The following SFSWAP variants were observed in gnomAD, a reference collection of about 807,000 sequenced individuals.
SFSWAP encodes splicing factor SWAP, also known as splicing factor, suppressor of white-apricot homolog.
Under a neutral mutation model 100.7 loss-of-function variants are expected in SFSWAP, and 17 were observed. The observed-to-expected ratio is 0.17, with a 90% CI of 0.12 to 0.25. The LOEUF (loss-of-function observed/expected upper bound fraction) is 0.25, where lower values mean the gene tolerates loss of function less well. Ranked by LOEUF, SFSWAP falls within the 10% of genes least tolerant of loss-of-function variation. The pLI is 1.00. For missense variants in SFSWAP, 1,005 were observed against 1,262.6 expected (o/e 0.80, Z 3.09); for synonymous variants, 504 against 510.1 (o/e 0.99, Z 0.16).
chr12:131,770,906 C>G (rs190707882), intron 13 of SFSWAP, among the ~76,000 whole-genome samples: 9 of 152,208 alleles, frequency 5.9e-5, no homozygotes, highest in African/African-American at 2.2e-4. Flanking sequence ...AACGGGACTC[C>G]TGGGGACCGC....
intron 11 of SFSWAP, among the ~76,000 whole-genome samples, chr12:131,761,373 A>G (rs910400121): frequency 2.6e-5 from 4 of 152,228 alleles, no homozygotes; most frequent in African/African-American, 9.6e-5. Flanking sequence ...CTGTCCCCGC[A>G]TGGTCCCGTC....
At position 131,755,464 on chromosome 12, in the gene SFSWAP, G is replaced by T. The variant is rs142222333; in HGVS notation, c.1533G>T (p.Gly511=). ...AGCAGTTCTTCCTCCAGAAAGAAGG[G>T]GGCGATAGCATGCAGGTACGTGTCT... is the stretch of plus-strand genomic sequence containing the variant. ...FKKQFFLQKE[G]GDSMQAVSAP... is the part of the protein sequence containing the mutation. Residue 511 remains glycine (G), a synonymous_variant, in exon 10 of 18, where the codon GGG becomes GGT. Coordinates refer to ENST00000261674, the MANE Select transcript of SFSWAP (RefSeq NM_004592.4). 111 of 1,613,132 alleles carry T rather than the reference G, an allele frequency of 6.9e-5. No homozygotes were observed. The African/African-American group carries it at 1.3e-3, about 19-fold the overall frequency.
intron 15 of SFSWAP, among the ~76,000 whole-genome samples, chr12:131,791,267 T>C (rs1463673219): frequency 6.6e-6 from 1 of 152,180 alleles, no homozygotes; most frequent in African/African-American, 2.4e-5. Context: ...CAAGTGCCTG[T>C]AATCCCAGCT....
chr12:131,715,021 G>C, intron 3 of SFSWAP, 68 bp downstream of exon 3: 1 of 1,556,992 alleles, frequency 6.4e-7, no homozygotes, highest in Non-Finnish European at 8.8e-7. Flanking sequence ...CATGCACCGT[G>C]GTCCAGTCTG....
chr12:131,774,534 A>G (rs753329449), intron 13 of SFSWAP, among the ~76,000 whole-genome samples: 4 of 152,194 alleles, frequency 2.6e-5, no homozygotes, highest in Non-Finnish European at 5.9e-5. Flanking sequence ...AAACCAATGT[A>G]CGTCTGCCCC....
At chr12:131,745,755 T>G (rs1040788597) in intron 7 of SFSWAP, among the ~76,000 whole-genome samples, 5 of 133,312 alleles carry the variant, frequency 3.8e-5, no homozygotes, top group Non-Finnish European at 8.3e-5. Context: ...TTAGTAAGGC[T>G]TTTTTTTTTT....
intron 11 of SFSWAP, among the ~76,000 whole-genome samples, chr12:131,763,648 C>T: frequency 6.6e-6 from 1 of 152,068 alleles, no homozygotes; most frequent in Non-Finnish European, 1.5e-5. Context: ...TAATGCCTGT[C>T]ACAAAGTAGG....
In SFSWAP at chr12:131,725,268, T is replaced by C; in HGVS notation, c.607-137T>C. 1 of 750,776 alleles carries C rather than the reference T, an allele frequency of 1.3e-6. No homozygotes were observed. Among genetic ancestry groups the C allele is most frequent in the Non-Finnish European group, 2.2e-6 (1 of 446,182 alleles). The allele number at this position is 750,776 out of a possible 1,614,324, so 46.5% of individuals were successfully genotyped here. ...TTGGAGATGAGGAGTCCGAACAGCC[T>C]GGGCTCTTCCAGCTTAAAGTCTCGT... On this transcript the variant is annotated intron_variant, in intron 4 of 17. Transcript: ENST00000261674. This position sits in a 1 kb window ranked among gnomAD's most constrained non-coding sequence, Gnocchi z 4.3.
At position 131,753,206 on chromosome 12, in the gene SFSWAP, G is replaced by A. The variant is rs780510999; in HGVS notation, c.1165G>A (p.Val389Met). The change falls in exon 8 of 18, where the codon GTG becomes ATG. Residue 389 changes from valine (V) to methionine (M), a missense_variant. By Grantham distance (21) the Val-to-Met change is conservative (BLOSUM62 1). Coordinates refer to ENST00000261674, the MANE Select transcript of SFSWAP (RefSeq NM_004592.4). ...CLAPPPPGIDVTTYYSTLPAG... is the reference protein window; with the variant it reads ...CLAPPPPGIDMTTYYSTLPAG... ...GGCGCCGCCCCCTCCCGGAATCGAC[G>A]TGACTACTTACTACAGCACCCTTCC... 7.4e-6 allele frequency: 12 copies of A among 1,614,160 alleles called. No individual in the cohort carries two copies. The highest frequency in any genetic ancestry group is 1.3e-5 in the African/African-American group (1 of 75,024).
At chr12:131,758,358 A>G (rs1379180010) in intron 11 of SFSWAP, among the ~76,000 whole-genome samples, 1 of 149,918 alleles carries the variant, frequency 6.7e-6, no homozygotes, top group Non-Finnish European at 1.5e-5. Context: ...CATCCACCCA[A>G]GCCTGAGACA....
intron 7 of SFSWAP, among the ~76,000 whole-genome samples, chr12:131,736,819 G>A (rs887255212): frequency 9.2e-5 from 14 of 152,072 alleles, no homozygotes; most frequent in African/African-American, 3.4e-4. Context: ...AAGAAATGCA[G>A]ACAAAACCTA....
intron 6 of SFSWAP, among the ~76,000 whole-genome samples, chr12:131,727,886 A>G (rs1023601271): frequency 1.3e-5 from 2 of 152,238 alleles, no homozygotes; most frequent in African/African-American, 4.8e-5. Context: ...TCTGGTTTTC[A>G]GCAGTTGTGC....
At chr12:131,737,574 C>G (rs1383895321) in intron 7 of SFSWAP, among the ~76,000 whole-genome samples, 1 of 152,044 alleles carries the variant, frequency 6.6e-6, no homozygotes, top group Admixed American at 6.6e-5. Context: ...GCGGAAGTGG[C>G]CCCCGTAACA....
At chr12:131,783,141 A>G (rs1429657723) in intron 14 of SFSWAP, among the ~76,000 whole-genome samples, 1 of 150,716 alleles carries the variant, frequency 6.6e-6, no homozygotes, top group Non-Finnish European at 1.5e-5. Context: ...AGATCGTGTC[A>G]CTGCTCTCCA....
chr12:131,743,658 T>G (rs767123076), intron 7 of SFSWAP, among the ~76,000 whole-genome samples: 3 of 152,216 alleles, frequency 2.0e-5, no homozygotes, highest in Admixed American at 6.5e-5. Flanking sequence ...TGTTGGTGGA[T>G]CTACCATTCT....
Position 131,770,391 on chromosome 12 carries a change from T to C in SFSWAP, c.2142+4083T>C, listed in dbSNP as rs116272798. Among the ~76,000 whole-genome samples the C allele has an allele frequency of 2.1e-3, 322 of 152,340 alleles. 3 individuals carry two copies. The highest frequency in any genetic ancestry group is 7.2e-3 in the African/African-American group (300 of 41,584). On this transcript the variant is annotated intron_variant, in intron 13 of 17. Coordinates refer to ENST00000261674, the MANE Select transcript of SFSWAP (RefSeq NM_004592.4). ...GGCCGTGGCTAGCTCGGGCTGGCTCTGCAGGGTGGCATGAGGACACTCCCT... is the reference window on the plus strand; with the variant it reads ...GGCCGTGGCTAGCTCGGGCTGGCTCCGCAGGGTGGCATGAGGACACTCCCT...
chr12:131,763,312 A>T (rs1183858968), intron 11 of SFSWAP, among the ~76,000 whole-genome samples: 1 of 152,142 alleles, frequency 6.6e-6, no homozygotes, highest in Non-Finnish European at 1.5e-5. Context: ...CTTCCCTCTC[A>T]GTCACCTGGT....
Position 131,778,227 on chromosome 12 carries a change from T to C in SFSWAP, c.2305T>C (p.Ser769Pro). 1 of 1,613,940 alleles carries C rather than the reference T, an allele frequency of 6.2e-7. No homozygotes were observed. Among genetic ancestry groups the C allele is most frequent in the Non-Finnish European group, 8.5e-7 (1 of 1,180,002 alleles). ...GCACAAAAAAAGATCTCGAACAAGA[T>C]CACGTTCTCCCAAGTACCATTCGTC... Reference protein sequence around the residue: ...KKHKKRSRTRSRSPKYHSSSK... With the variant: ...KKHKKRSRTRPRSPKYHSSSK... The change falls in exon 14 of 18, where the codon TCA becomes CCA. Residue 769 changes from serine (S) to proline (P), a missense_variant. Transcript: ENST00000261674. The surrounding 1 kb of genome is among the most constrained non-coding windows in gnomAD (Gnocchi z 4.2).
intron 7 of SFSWAP, among the ~76,000 whole-genome samples, chr12:131,729,867 G>A (rs1879338119): frequency 6.6e-6 from 1 of 152,182 alleles, no homozygotes; most frequent in Non-Finnish European, 1.5e-5. Flanking sequence ...ACAAGCTTTT[G>A]TAAACATCAC....
Sources: gnomAD v4.1 joint callset for allele counts (sites outside exome capture counted in the v4.1 genomes callset) on GRCh38, gnomAD v4.1.1 for gene constraint, Gnocchi (gnomAD v3.1) non-coding constraint, MANE v1.5 for transcripts, NCBI Gene and HGNC (gene_info 2026-07-23, HGNC 2026-07-21) for gene names.